TXLNB: variants seen among roughly 807,000 people sequenced by gnomAD.
TXLNB encodes beta-taxilin.
A neutral mutation model predicts 57.4 loss-of-function variants in TXLNB; 37 were observed. The observed-to-expected ratio is 0.64, with a 90% confidence interval of 0.50 to 0.85. TXLNB has a LOEUF of 0.85. Ranked by LOEUF, TXLNB falls within the 40% of genes least tolerant of loss-of-function variation. TXLNB has a pLI of 0.00. For synonymous variants in TXLNB, 302 were observed against 309.6 expected (o/e 0.98, Z 0.26); for missense variants, 848 against 825.6 (o/e 1.03, Z -0.33).
At chr6:139,208,408 T>C in the TXLNB span, among the ~76,000 whole-genome samples, 2 of 152,108 alleles carry the variant, frequency 1.3e-5, no homozygotes, top group Non-Finnish European at 2.9e-5. Context: ...TTCCAAAAGA[T>C]AGAGAAAGAG....
chr6:139,299,651 G>A, the TXLNB span, among the ~76,000 whole-genome samples: 1 of 152,088 alleles, frequency 6.6e-6, no homozygotes, highest in Non-Finnish European at 1.5e-5. Context: ...GCCTGGCTGA[G>A]ATGCCTTGTT....
At chr6:139,216,976 C>A in the TXLNB span, among the ~76,000 whole-genome samples, 1 of 152,056 alleles carries the variant, frequency 6.6e-6, no homozygotes, top group Non-Finnish European at 1.5e-5. Context: ...AGAACTTATC[C>A]ACATAACAAA....
At chr6:139,281,262 T>C (rs920615923) in intron 2 of TXLNB, among the ~76,000 whole-genome samples, 5 of 152,204 alleles carry the variant, frequency 3.3e-5, no homozygotes, top group Non-Finnish European at 5.9e-5. Context: ...ATTGTTTGGA[T>C]GGCATATTTG....
chr6:139,252,499 A>C (rs1295291447), intron 7 of TXLNB, among the ~76,000 whole-genome samples: 1 of 152,204 alleles, frequency 6.6e-6, no homozygotes, highest in Non-Finnish European at 1.5e-5. Context: ...TGGAGACAAA[A>C]AAGAAAGACA....
At chr6:139,187,062 A>C in the TXLNB span, among the ~76,000 whole-genome samples, 182 of 152,310 alleles carry the variant, frequency 1.2e-3, 2 homozygotes, top group Non-Finnish European at 2.2e-3. Flanking sequence ...AGATGTAGAC[A>C]TCTGTCAAAC....
At chr6:139,302,534 C>T in the TXLNB span, among the ~76,000 whole-genome samples, 51 of 148,386 alleles carry the variant, frequency 3.4e-4, no homozygotes, top group Non-Finnish European at 4.4e-4. Context: ...GAGGCTGAGG[C>T]GGGTGGATTG....
At chr6:139,237,350 T>C (rs1397549233), downstream of TXLNB, 1 of 151,396 alleles carries the variant, frequency 6.6e-6, no homozygotes, top group African/African-American at 2.4e-5. Context: ...AGATACAAAA[T>C]ATCTTTATTT....
At chr6:139,316,005 A>G in the TXLNB span, among the ~76,000 whole-genome samples, 1 of 152,182 alleles carries the variant, frequency 6.6e-6, no homozygotes, top group East Asian at 1.9e-4. Flanking sequence ...ATAATATAGT[A>G]ATAATAGTAA....
At chr6:139,278,629 C>CTG (rs10659907) in intron 2 of TXLNB, among the ~76,000 whole-genome samples, 33,359 of 152,062 alleles carry the variant, frequency 0.22, 5,225 homozygotes, top group African/African-American at 0.45. Context: ...AGTCAAGAGA[C>CTG]TACTCTTGAT....
intron 2 of TXLNB, among the ~76,000 whole-genome samples, chr6:139,282,256 A>G (rs4410750): frequency 0.31 from 42,198 of 134,026 alleles, 9,059 homozygotes; most frequent in African/African-American, 0.54. Flanking sequence ...GAAACAGACT[A>G]TCTGGGAGAG....
chr6:139,252,259 G>A (rs770070384), intron 7 of TXLNB, among the ~76,000 whole-genome samples: 2 of 152,178 alleles, frequency 1.3e-5, no homozygotes, highest in Admixed American at 1.3e-4. Context: ...CCTTGGCCTT[G>A]GCCTCCTGCT....
chr6:139,317,881 C>T, the TXLNB span, among the ~76,000 whole-genome samples: 2 of 152,066 alleles, frequency 1.3e-5, no homozygotes, highest in Non-Finnish European at 2.9e-5. Flanking sequence ...AATTTGAGAC[C>T]AGCCTGGGCA....
chr6:139,214,937 T>G, the TXLNB span, among the ~76,000 whole-genome samples: 2 of 152,126 alleles, frequency 1.3e-5, no homozygotes, highest in Admixed American at 6.5e-5. Context: ...GAAGGACCTC[T>G]TCAAGGAGAA....
chr6:139,166,623 A>C, the TXLNB span: 2 of 1,614,236 alleles, frequency 1.2e-6, no homozygotes, highest in Middle Eastern at 1.6e-4. Flanking sequence ...AAAAAGAAGA[A>C]GTCTGGCTCC....
the TXLNB span, among the ~76,000 whole-genome samples, chr6:139,317,013 G>A: frequency 6.6e-6 from 1 of 152,164 alleles, no homozygotes; most frequent in African/African-American, 2.4e-5. Flanking sequence ...TTCCCTCGGG[G>A]AATCTGATTA....
chr6:139,318,269 C>CAAAAAAAAAAA, the TXLNB span, among the ~76,000 whole-genome samples: 1 of 56,652 alleles, frequency 1.8e-5, no homozygotes, highest in African/African-American at 5.7e-5. Flanking sequence ...GACTCTGTCT[C>CAAAAAAAAAAA]AAAAAAAAAA....
the TXLNB span, chr6:139,170,704 G>A: frequency 6.6e-6 from 1 of 152,196 alleles, no homozygotes; most frequent in Non-Finnish European, 1.5e-5. Flanking sequence ...AGAACAGATT[G>A]CAGAAGTACT....
At chr6:139,193,836 A>ATTT in the TXLNB span, among the ~76,000 whole-genome samples, 8 of 53,896 alleles carry the variant, frequency 1.5e-4, no homozygotes, top group African/African-American at 3.4e-4. Context: ...ATATATATAT[A>ATTT]TATATTTTTT....
chr6:139,310,368 G>C, the TXLNB span, among the ~76,000 whole-genome samples: 1 of 152,198 alleles, frequency 6.6e-6, no homozygotes, highest in Non-Finnish European at 1.5e-5. Context: ...GCCAACAGGT[G>C]TATGAAAAGG....
Sources: gnomAD v4.1 joint callset for allele counts (sites outside exome capture counted in the v4.1 genomes callset) on GRCh38, gnomAD v4.1.1 for gene constraint, MANE v1.5 for transcripts, NCBI Gene and HGNC (gene_info 2026-07-23, HGNC 2026-07-21) for gene names.